NDUFB5: variants seen among roughly 807,000 people sequenced by gnomAD.
The protein encoded by NDUFB5 is NADH dehydrogenase [ubiquinone] 1 beta subcomplex subunit 5, mitochondrial.
Under a neutral mutation model 19.4 loss-of-function variants are expected in NDUFB5, and 19 were observed. That is an observed-to-expected ratio of 0.98 (90% CI 0.68 to 1.43). The LOEUF is 1.43. Among genes scored for constraint, NDUFB5 ranks in the 40% most tolerant of loss-of-function variants. The pLI is 0.00. For synonymous variants in NDUFB5, 80 were observed against 82.6 expected, an observed-to-expected ratio of 0.97 and a Z score of 0.17; for missense variants, 233 against 236.5, an observed-to-expected ratio of 0.99 and a Z score of 0.10.
intron 2 of NDUFB5, chr3:179,615,325 G>A (rs575746542): frequency 2.9e-5 from 8 of 273,444 alleles, no homozygotes; most frequent in African/African-American, 1.1e-4. Context: ...ATGGCGTTTC[G>A]AAATAGAATC....
At chr3:179,618,923 G>C (rs957961899) in intron 5 of NDUFB5, among the ~76,000 whole-genome samples, 2 of 152,094 alleles carry the variant, frequency 1.3e-5, no homozygotes, top group African/African-American at 4.8e-5. Context: ...GTGACAAGGA[G>C]ACTATTAGGA....
In NDUFB5 at chr3:179,624,325, G is replaced by C; in HGVS notation, c.*285G>C. On this transcript the variant is annotated 3_prime_UTR_variant, in exon 6 of 6. Coordinates refer to ENST00000259037, the MANE Select transcript of NDUFB5 (RefSeq NM_002492.4). ...ATTTACCTGACAAATGGAAGTTATA[G>C]AAGTCTAATAATGTTAAGCACCAGT... 4.0e-6 allele frequency: 1 copy of C among 252,236 alleles called. No individual in the cohort carries two copies. Among genetic ancestry groups the C allele is most frequent in the Non-Finnish European group, 7.5e-6 (1 of 132,988 alleles). The allele number at this position is 252,236 out of a possible 1,614,324, so 15.6% of individuals were successfully genotyped here.
At chr3:179,616,538 T>TC (rs879760571) in intron 3 of NDUFB5, among the ~76,000 whole-genome samples, 107 of 143,722 alleles carry the variant, frequency 7.4e-4, no homozygotes, top group East Asian at 4.3e-3. Context: ...TGAGACTCTG[T>TC]CCCCCCCCCA....
chr3:179,610,863 G>A lies in NDUFB5; in HGVS notation c.125-4108G>A, dbSNP rs761536890. Among the ~76,000 whole-genome samples the A allele has an allele frequency of 2.0e-5, 3 of 152,228 alleles. No homozygotes were observed. In the East Asian group the frequency reaches 5.8e-4, roughly 29 times the overall value. On this transcript the variant is annotated intron_variant, in intron 1 of 5. Coordinates refer to ENST00000259037, the MANE Select transcript of NDUFB5 (RefSeq NM_002492.4). Reference sequence around the variant, plus strand: ...TGCATAAATTATGGTTTTTAAAAATGTGAAGAGTATTAATATGGATGTATA... The same window carrying A: ...TGCATAAATTATGGTTTTTAAAAATATGAAGAGTATTAATATGGATGTATA...
chr3:179,609,672 G>T (rs980473363), intron 1 of NDUFB5, among the ~76,000 whole-genome samples: 2 of 152,152 alleles, frequency 1.3e-5, no homozygotes, highest in Non-Finnish European at 2.9e-5. Context: ...GAACCCTCAT[G>T]CTATTTTCCA....
chr3:179,606,033 C>G (rs1453801645), intron 1 of NDUFB5, among the ~76,000 whole-genome samples: 1 of 152,080 alleles, frequency 6.6e-6, no homozygotes, highest in Non-Finnish European at 1.5e-5. Context: ...CTCAAATGAT[C>G]CGCCCACCTC....
At chr3:179,605,874 C>T (rs1719079403) in intron 1 of NDUFB5, among the ~76,000 whole-genome samples, 1 of 151,282 alleles carries the variant, frequency 6.6e-6, no homozygotes, top group Admixed American at 6.6e-5. Flanking sequence ...TCACTGCAAT[C>T]TCCACCCCCC....
chr3:179,608,966 C>G (rs561763384), intron 1 of NDUFB5, among the ~76,000 whole-genome samples: 2 of 152,154 alleles, frequency 1.3e-5, no homozygotes, highest in Non-Finnish European at 2.9e-5. Flanking sequence ...GCCACTACAC[C>G]GAAGCACTTG....
intron 5 of NDUFB5, among the ~76,000 whole-genome samples, chr3:179,622,877 A>G (rs151026097): frequency 5.9e-5 from 9 of 152,306 alleles, no homozygotes; most frequent in African/African-American, 2.2e-4. Flanking sequence ...AGAAGGGACT[A>G]CTTCAGGAAT....
At position 179,623,974 on chromosome 3, in the gene NDUFB5, G is replaced by A. The variant is rs1279322790; in HGVS notation, c.504G>A (p.Trp168Ter). Residue 168 changes from tryptophan (W) to a stop codon, truncating the protein, a stop_gained, in exon 6 of 6, where the codon TGG becomes TGA. Coordinates refer to ENST00000259037, the MANE Select transcript of NDUFB5 (RefSeq NM_002492.4). LOFTEE classifies it high-confidence loss of function. Reference protein sequence around the residue: ...KLMHVRGDGPWYYYETIDKEL... With the variant: ...KLMHVRGDGP ...TGCATGTGAGAGGAGATGGACCCTG[G>A]TATTACTATGAGACAATTGACAAGG... 1 of 1,613,772 alleles carries A rather than the reference G, an allele frequency of 6.2e-7. No homozygotes were observed. The highest frequency in any genetic ancestry group is 8.5e-7 in the Non-Finnish European group (1 of 1,179,858).
Position 179,617,122 on chromosome 3 carries a change from A to G in NDUFB5, c.342+78A>G. On this transcript the variant is annotated intron_variant, in intron 4 of 5. Coordinates refer to ENST00000259037, the MANE Select transcript of NDUFB5 (RefSeq NM_002492.4). ...TAGTTAATGTCTTAATTCAGCAATT[A>G]TGATATAGTCAGGTTTTTTGTTTTG... 5 of 1,138,472 alleles carry G rather than the reference A, an allele frequency of 4.4e-6. 1 individual carries two copies. In the South Asian group the frequency reaches 6.9e-5, roughly 16 times the overall value. 70.5% of individuals were successfully genotyped at this position (1,138,472 alleles called of 1,614,324 possible). A position where few individuals can be genotyped will look rare whatever the true frequency, so the allele number is the denominator to read the frequency against.
At chr3:179,616,261 G>A (rs1237183198) in intron 3 of NDUFB5, among the ~76,000 whole-genome samples, 3 of 151,896 alleles carry the variant, frequency 2.0e-5, no homozygotes, top group Non-Finnish European at 4.4e-5. Context: ...TATAATCCTC[G>A]GCCAGGCACA....
At chr3:179,620,509 A>G (rs1719507253) in intron 5 of NDUFB5, among the ~76,000 whole-genome samples, 1 of 152,286 alleles carries the variant, frequency 6.6e-6, no homozygotes, top group East Asian at 1.9e-4. Context: ...ATAGTTGTAG[A>G]TATGCGGCAT....
intron 1 of NDUFB5, among the ~76,000 whole-genome samples, chr3:179,612,901 G>A (rs1364575560): frequency 2.0e-5 from 3 of 152,202 alleles, no homozygotes; most frequent in Non-Finnish European, 1.5e-5. Flanking sequence ...TGCAGGTGTA[G>A]TCAGGGGATA....
chr3:179,605,689 T>G (rs1719072537), intron 1 of NDUFB5, among the ~76,000 whole-genome samples: 1 of 152,180 alleles, frequency 6.6e-6, no homozygotes, highest in African/African-American at 2.4e-5. Flanking sequence ...CTGTATTATG[T>G]TCGTTTTATA....
At position 179,624,148 on chromosome 3, in the gene NDUFB5, A is replaced by G; in HGVS notation, c.*108A>G. On this transcript the variant is annotated 3_prime_UTR_variant, in exon 6 of 6. Transcript: ENST00000259037. ...GAAAAACAAAAGAGCCTCTGACATT[A>G]CTGTCTCTCAGTGTTGGTTCAGATT... 5.8e-6 allele frequency: 6 copies of G among 1,028,992 alleles called. No individual in the cohort carries two copies. Among genetic ancestry groups the G allele is most frequent in the South Asian group, 1.9e-5 (1 of 53,280 alleles). 63.7% of individuals were successfully genotyped at this position (1,028,992 alleles called of 1,614,324 possible).
intron 5 of NDUFB5, among the ~76,000 whole-genome samples, chr3:179,620,763 TC>T (rs1469947997): frequency 6.6e-6 from 1 of 152,300 alleles, no homozygotes; most frequent in African/African-American, 2.4e-5. Context: ...TGTTTAATTT[TC>T]CCCCATATTG....
intron 1 of NDUFB5, among the ~76,000 whole-genome samples, chr3:179,613,274 C>T (rs1049433353): frequency 6.6e-6 from 1 of 152,140 alleles, no homozygotes. Context: ...TACAGTCAAT[C>T]AAGTACCCAT....
At chr3:179,617,408 G>C (rs1719410808) in intron 4 of NDUFB5, 1 of 157,376 alleles carries the variant, frequency 6.4e-6, no homozygotes, top group Non-Finnish European at 1.4e-5. Flanking sequence ...AAAGTCCTGG[G>C]ATTAAATGTG....
Sources: gnomAD v4.1 joint callset for allele counts (sites outside exome capture counted in the v4.1 genomes callset) on GRCh38, gnomAD v4.1.1 for gene constraint, MANE v1.5 for transcripts, NCBI Gene and HGNC (gene_info 2026-07-23, HGNC 2026-07-21) for gene names.